The following DENND1A variants were observed in gnomAD, a reference collection of about 807,000 sequenced individuals.
The protein encoded by DENND1A is DENN domain-containing protein 1A.
In DENND1A, 51 loss-of-function variants were observed where a neutral mutation model predicts 113.7. The observed-to-expected ratio is 0.45, with a 90% CI of 0.36 to 0.57. The LOEUF is 0.57. DENND1A is among the 20% of genes least tolerant of loss of function. The pLI, the probability that DENND1A is intolerant of heterozygous loss-of-function variation, is 0.00. For synonymous variants in DENND1A, 565 were observed against 570.8 expected, an observed-to-expected ratio of 0.99 and a Z score of 0.14; for missense variants, 1,258 against 1,395.9, an observed-to-expected ratio of 0.90 and a Z score of 1.57.
chr9:123,719,734 C>T (rs1267226973), intron 5 of DENND1A, among the ~76,000 whole-genome samples: 1 of 151,972 alleles, frequency 6.6e-6, no homozygotes, highest in African/African-American at 2.4e-5. Context: ...GTTTCATATA[C>T]ACCTCATAAC....
intron 10 of DENND1A, among the ~76,000 whole-genome samples, chr9:123,628,076 C>G (rs1244673570): frequency 6.6e-6 from 1 of 152,028 alleles, no homozygotes; most frequent in African/African-American, 2.4e-5. Flanking sequence ...GACAGGGACT[C>G]AGGCGTCCTC....
chr9:123,523,594 A>G (rs2054569107), intron 13 of DENND1A, among the ~76,000 whole-genome samples: 1 of 152,226 alleles, frequency 6.6e-6, no homozygotes, highest in African/African-American at 2.4e-5. Context: ...CTGTACTTTC[A>G]TACTGTAAAG....
chr9:123,617,728 G>A (rs1044330234), intron 10 of DENND1A, among the ~76,000 whole-genome samples: 25 of 152,162 alleles, frequency 1.6e-4, no homozygotes, highest in African/African-American at 5.5e-4. Flanking sequence ...GCAAAGGTCA[G>A]GAGACAGGGC....
chr9:123,787,686 T>C (rs1236350117), intron 3 of DENND1A, among the ~76,000 whole-genome samples: 4 of 152,174 alleles, frequency 2.6e-5, no homozygotes, highest in East Asian at 3.9e-4. Flanking sequence ...TTTTTGTTCC[T>C]TTTTAGTATA....
chr9:123,644,856 T>C (rs7019878), intron 9 of DENND1A, among the ~76,000 whole-genome samples: 8,458 of 152,288 alleles, frequency 0.056, 836 homozygotes, highest in African/African-American at 0.19. Context: ...ATAATATCTA[T>C]CTTCTAGGAA....
chr9:123,476,302 C>T (rs181103998), intron 13 of DENND1A, among the ~76,000 whole-genome samples: 235 of 152,236 alleles, frequency 1.5e-3, no homozygotes, highest in Non-Finnish European at 3.1e-3. Context: ...AAAGGGGTCA[C>T]GATGGTGTGG....
chr9:123,676,615 T>G lies in DENND1A; in HGVS notation c.372+105A>C. ...TCTGAATTTCCCAAAATTCCTATAATGGGCATGCATCACTTTTTTGGTAAA... is the reference window on the plus strand; with the variant it reads ...TCTGAATTTCCCAAAATTCCTATAAGGGGCATGCATCACTTTTTTGGTAAA... On this transcript the variant is annotated intron_variant, in intron 6 of 23. Coordinates refer to ENST00000394215, the MANE Select transcript of DENND1A (RefSeq NM_001352964.2). 4 of 996,176 alleles carry G rather than the reference T, an allele frequency of 4.0e-6. No individual in the cohort carries two copies. The South Asian group carries it at 6.8e-5, about 17-fold the overall frequency. The allele number at this position is 996,176 out of a possible 1,614,324, so 61.7% of individuals were successfully genotyped here.
chr9:123,612,643 C>T (rs1316728242), intron 10 of DENND1A, among the ~76,000 whole-genome samples: 2 of 152,214 alleles, frequency 1.3e-5, no homozygotes, highest in East Asian at 1.9e-4. Context: ...CATAATTTAT[C>T]GAATGCTATC....
intron 3 of DENND1A, among the ~76,000 whole-genome samples, chr9:123,771,443 T>C (rs1829712574): frequency 6.6e-6 from 1 of 152,226 alleles, no homozygotes; most frequent in Non-Finnish European, 1.5e-5. Context: ...AACTTCAGTA[T>C]ATGAAACAGC....
intron 4 of DENND1A, among the ~76,000 whole-genome samples, chr9:123,767,969 T>C (rs778461111): frequency 6.6e-6 from 1 of 152,222 alleles, no homozygotes; most frequent in Non-Finnish European, 1.5e-5. Context: ...ATACATTTTA[T>C]AAGTGGCTGG....
chr9:123,704,056 C>T (rs1051051355), intron 5 of DENND1A, among the ~76,000 whole-genome samples: 1 of 151,144 alleles, frequency 6.6e-6, no homozygotes, highest in African/African-American at 2.4e-5. Context: ...CCAACTGATA[C>T]AATTAAATGC....
At chr9:123,851,821 A>C (rs1312140986) in intron 2 of DENND1A, among the ~76,000 whole-genome samples, 1 of 152,168 alleles carries the variant, frequency 6.6e-6, no homozygotes, top group African/African-American at 2.4e-5. Context: ...AAAAAACAAT[A>C]GGCTGTTGAC....
At chr9:123,752,730 A>C (rs2070166175) in intron 5 of DENND1A, among the ~76,000 whole-genome samples, 1 of 152,208 alleles carries the variant, frequency 6.6e-6, no homozygotes, top group Non-Finnish European at 1.5e-5. Flanking sequence ...GCCATAACAA[A>C]TTTCAATTCT....
chr9:123,687,793 G>C (rs1589669520), intron 5 of DENND1A, among the ~76,000 whole-genome samples: 1 of 152,212 alleles, frequency 6.6e-6, no homozygotes, highest in African/African-American at 2.4e-5. Flanking sequence ...TCTGCCATGG[G>C]ATTCTGTCTG....
At chr9:123,425,705 G>C (rs2045669294) in intron 19 of DENND1A, among the ~76,000 whole-genome samples, 1 of 152,256 alleles carries the variant, frequency 6.6e-6, no homozygotes, top group Non-Finnish European at 1.5e-5. Flanking sequence ...TTTTCTGTGG[G>C]ACAGGGTATA....
At chr9:123,929,518 G>T (rs1046050865) in intron 1 of DENND1A, among the ~76,000 whole-genome samples, 1 of 152,178 alleles carries the variant, frequency 6.6e-6, no homozygotes, top group African/African-American at 2.4e-5. Flanking sequence ...ACTTTCAGGG[G>T]CGCCCCAAAC....
At chr9:123,841,459 ATCT>A (rs1198796790) in intron 2 of DENND1A, among the ~76,000 whole-genome samples, 1 of 152,226 alleles carries the variant, frequency 6.6e-6, no homozygotes, top group Non-Finnish European at 1.5e-5. Flanking sequence ...TATTCACTAA[ATCT>A]TCTTAATATT....
chr9:123,470,429 T>C (rs1813126943), intron 13 of DENND1A, among the ~76,000 whole-genome samples: 1 of 152,074 alleles, frequency 6.6e-6, no homozygotes, highest in Non-Finnish European at 1.5e-5. Flanking sequence ...GACACTTGCA[T>C]CCAAAGTCCC....
Position 123,422,020 on chromosome 9 carries a change from C to T in DENND1A, c.1489-10191G>A, listed in dbSNP as rs1049981612. 1.1e-4 allele frequency among the ~76,000 whole-genome samples: 17 copies of T among 152,194 alleles called. No individual in the cohort carries two copies. The highest frequency in any genetic ancestry group is 2.2e-4 in the Non-Finnish European group (15 of 68,036). ...ACCTGATGGATCCCTGCATCCCTCACGACTCTGTTCCCTTCCCCCAGAAGT... is the reference window on the plus strand; with the variant it reads ...ACCTGATGGATCCCTGCATCCCTCATGACTCTGTTCCCTTCCCCCAGAAGT... On this transcript the variant is annotated intron_variant, in intron 19 of 23. Transcript: ENST00000394215. This position sits in a 1 kb window ranked among gnomAD's most constrained non-coding sequence, Gnocchi z 4.8.
Sources: gnomAD v4.1 joint callset for allele counts (sites outside exome capture counted in the v4.1 genomes callset) on GRCh38, gnomAD v4.1.1 for gene constraint, Gnocchi (gnomAD v3.1) non-coding constraint, MANE v1.5 for transcripts, NCBI Gene and HGNC (gene_info 2026-07-23, HGNC 2026-07-21) for gene names.